Variants in MAF observed in about 807,000 individuals in gnomAD.
The protein encoded by MAF is transcription factor Maf.
MAF carries 10 observed loss-of-function variants against 22.0 expected under a neutral mutation model. That is an observed-to-expected ratio of 0.45 (90% confidence interval 0.28 to 0.77). The LOEUF (loss-of-function observed/expected upper bound fraction) is 0.77. Among genes scored for constraint, MAF ranks in the 30% least tolerant of loss-of-function variants. MAF has a pLI of 0.12. For synonymous variants in MAF, 337 were observed against 255.8 expected (o/e 1.32, Z -3.03); for missense variants, 544 against 548.4 (o/e 0.99, Z 0.08).
At chr16:79,481,390 G>T in the MAF span, among the ~76,000 whole-genome samples, 1 of 151,898 alleles carries the variant, frequency 6.6e-6, no homozygotes, top group African/African-American at 2.4e-5. Context: ...CACCACAACT[G>T]CAAACCACAT....
the MAF span, among the ~76,000 whole-genome samples, chr16:79,314,546 AG>A: frequency 6.6e-6 from 1 of 152,058 alleles, no homozygotes; most frequent in African/African-American, 2.4e-5. Context: ...AGAGCAGAGG[AG>A]GGGCTTCCTA....
the MAF span, among the ~76,000 whole-genome samples, chr16:79,473,213 G>T: frequency 6.6e-6 from 1 of 152,076 alleles, no homozygotes; most frequent in Non-Finnish European, 1.5e-5. Flanking sequence ...CTCTGTGGAG[G>T]GGGAGGGAGT....
chr16:79,511,040 C>T, the MAF span, among the ~76,000 whole-genome samples: 17 of 152,296 alleles, frequency 1.1e-4, no homozygotes, highest in Middle Eastern at 3.4e-3. Context: ...CCCACTGCAG[C>T]GGCAGCTGGG....
chr16:79,271,521 G>C, the MAF span, among the ~76,000 whole-genome samples: 2 of 152,178 alleles, frequency 1.3e-5, no homozygotes, highest in African/African-American at 4.8e-5. Flanking sequence ...TCTGTCCTCT[G>C]TAAGTATGCA....
the MAF span, among the ~76,000 whole-genome samples, chr16:79,400,988 G>C: frequency 1.3e-5 from 2 of 152,234 alleles, no homozygotes; most frequent in Non-Finnish European, 2.9e-5. Context: ...CAGGCGTCCA[G>C]CCCTGGGGCC....
the MAF span, among the ~76,000 whole-genome samples, chr16:79,551,351 A>G: frequency 1.3e-5 from 2 of 152,166 alleles, no homozygotes; most frequent in African/African-American, 4.8e-5. Context: ...ATTCTCTGAT[A>G]TGGAGTCTTT....
chr16:79,462,193 C>G, the MAF span, among the ~76,000 whole-genome samples: 14 of 152,312 alleles, frequency 9.2e-5, 1 homozygote, highest in South Asian at 2.5e-3. Flanking sequence ...GTTGCTGATT[C>G]CTTATGCCAT....
chr16:79,475,606 A>T, the MAF span, among the ~76,000 whole-genome samples: 3 of 152,150 alleles, frequency 2.0e-5, no homozygotes, highest in Non-Finnish European at 1.5e-5. Flanking sequence ...GGAGATGGAG[A>T]TGGAAATATT....
chr16:79,287,227 G>T, the MAF span, among the ~76,000 whole-genome samples: 1 of 151,452 alleles, frequency 6.6e-6, no homozygotes, highest in Non-Finnish European at 1.5e-5. Context: ...ATTGGATATG[G>T]TGTTCTCTTT....
chr16:79,240,291 G>A, the MAF span, among the ~76,000 whole-genome samples: 1 of 151,336 alleles, frequency 6.6e-6, no homozygotes, highest in East Asian at 1.9e-4. Flanking sequence ...CACATGTTCT[G>A]TTTTGTCAAA....
chr16:79,246,930 C>T, the MAF span, among the ~76,000 whole-genome samples: 18,367 of 152,220 alleles, frequency 0.12, 1,376 homozygotes, highest in Middle Eastern at 0.2. Flanking sequence ...GGTTCCTGTT[C>T]TAATGGAACT....
chr16:79,332,844 C>A, the MAF span, among the ~76,000 whole-genome samples: 1 of 152,210 alleles, frequency 6.6e-6, no homozygotes, highest in Non-Finnish European at 1.5e-5. Flanking sequence ...ATTTCTACTA[C>A]CCTTTACTAC....
chr16:79,401,013 C>A, the MAF span, among the ~76,000 whole-genome samples: 7 of 152,326 alleles, frequency 4.6e-5, no homozygotes, highest in East Asian at 1.4e-3. Context: ...ACTCTGTCCG[C>A]TGATAAGGAG....
the MAF span, among the ~76,000 whole-genome samples, chr16:79,577,581 C>G: frequency 6.6e-6 from 1 of 152,076 alleles, no homozygotes; most frequent in South Asian, 2.1e-4. Flanking sequence ...GGGTGACCTC[C>G]AAAGGGCAGG....
the MAF span, among the ~76,000 whole-genome samples, chr16:79,529,614 T>C: frequency 6.6e-6 from 1 of 152,194 alleles, no homozygotes; most frequent in Non-Finnish European, 1.5e-5. Flanking sequence ...GTGTTTGACA[T>C]TCAATAAATG....
the MAF span, among the ~76,000 whole-genome samples, chr16:79,395,716 A>G: frequency 6.6e-6 from 1 of 152,188 alleles, no homozygotes; most frequent in African/African-American, 2.4e-5. Flanking sequence ...AGCCAACACA[A>G]CTTGATTTTG....
chr16:79,586,426 T>C (rs989871058), intron 1 of MAF, among the ~76,000 whole-genome samples: 9 of 152,212 alleles, frequency 5.9e-5, no homozygotes, highest in Non-Finnish European at 1.2e-4. Context: ...CCTCCTCTGT[T>C]GCTTTGTCTA....
the MAF span, among the ~76,000 whole-genome samples, chr16:79,430,211 A>G: frequency 6.6e-6 from 1 of 152,236 alleles, no homozygotes; most frequent in African/African-American, 2.4e-5. Flanking sequence ...CTTTGTTTAC[A>G]ATGCAATTAA....
At chr16:79,294,040 G>A in the MAF span, among the ~76,000 whole-genome samples, 1 of 152,164 alleles carries the variant, frequency 6.6e-6, no homozygotes, top group Non-Finnish European at 1.5e-5. Context: ...AAGAGGCAGT[G>A]GCCCCCAGGG....
Sources: gnomAD v4.1 joint callset for allele counts (sites outside exome capture counted in the v4.1 genomes callset) on GRCh38, gnomAD v4.1.1 for gene constraint, MANE v1.5 for transcripts, NCBI Gene and HGNC (gene_info 2026-07-23, HGNC 2026-07-21) for gene names.